Variants in TBC1D19 observed in about 807,000 individuals in gnomAD.
TBC1D19 encodes TBC1 domain family member 19.
In TBC1D19, 60 loss-of-function variants were observed where a neutral mutation model predicts 89.0. That is an observed-to-expected ratio of 0.67 (90% CI 0.55 to 0.84). TBC1D19 has a LOEUF of 0.84. Among genes scored for constraint, TBC1D19 ranks in the 40% least tolerant of loss-of-function variants. The pLI is 0.00. For synonymous variants in TBC1D19, 189 were observed against 199.7 expected, an observed-to-expected ratio of 0.95 and a Z score of 0.45; for missense variants, 500 against 610.8, an observed-to-expected ratio of 0.82 and a Z score of 1.91.
chr4:26,798,075 T>A, the TBC1D19 span, among the ~76,000 whole-genome samples: 6 of 151,952 alleles, frequency 3.9e-5, no homozygotes, highest in African/African-American at 1.5e-4. Flanking sequence ...TGCTTTTGCA[T>A]AACAAAATAA....
the TBC1D19 span, among the ~76,000 whole-genome samples, chr4:26,798,955 A>C: frequency 3.9e-5 from 6 of 152,178 alleles, no homozygotes; most frequent in African/African-American, 1.2e-4. Flanking sequence ...TAAGGGATAC[A>C]CTAGAAGCCC....
intron 3 of TBC1D19, among the ~76,000 whole-genome samples, chr4:26,618,717 A>G (rs1187446192): frequency 2.0e-5 from 3 of 152,230 alleles, no homozygotes; most frequent in Non-Finnish European, 4.4e-5. Context: ...TGAATAAGGA[A>G]GACATCACTT....
At chr4:26,684,384 A>G (rs556201804) in intron 12 of TBC1D19, among the ~76,000 whole-genome samples, 1 of 152,178 alleles carries the variant, frequency 6.6e-6, no homozygotes, top group Non-Finnish European at 1.5e-5. Context: ...GGGTGATGCC[A>G]GGGCTTGATC....
chr4:26,809,188 G>T, the TBC1D19 span, among the ~76,000 whole-genome samples: 1 of 152,176 alleles, frequency 6.6e-6, no homozygotes, highest in Non-Finnish European at 1.5e-5. Context: ...TGTGAGAAGG[G>T]CATGTTGGGT....
At chr4:26,831,915 A>G in the TBC1D19 span, among the ~76,000 whole-genome samples, 4 of 152,170 alleles carry the variant, frequency 2.6e-5, no homozygotes, top group African/African-American at 9.6e-5. Context: ...TAAAGGTTTA[A>G]GGATGCTATT....
chr4:26,588,118 C>T (rs977171411), intron 1 of TBC1D19, among the ~76,000 whole-genome samples: 15 of 151,332 alleles, frequency 9.9e-5, no homozygotes, highest in Middle Eastern at 3.4e-3. Context: ...CTCCGCCTCC[C>T]GGGTTCACGC....
chr4:26,714,714 T>G (rs1157421610), intron 13 of TBC1D19, among the ~76,000 whole-genome samples: 2 of 152,102 alleles, frequency 1.3e-5, no homozygotes, highest in Non-Finnish European at 2.9e-5. Flanking sequence ...TTATTAGAAC[T>G]ATAGAGATTC....
chr4:26,851,932 G>T, the TBC1D19 span, among the ~76,000 whole-genome samples: 3 of 152,250 alleles, frequency 2.0e-5, no homozygotes, highest in Non-Finnish European at 4.4e-5. Context: ...GAAAGGGTAT[G>T]TCTGGGGAAA....
chr4:26,612,057 A>G (rs1461393946), intron 1 of TBC1D19, among the ~76,000 whole-genome samples: 1 of 151,966 alleles, frequency 6.6e-6, no homozygotes, highest in Non-Finnish European at 1.5e-5. Flanking sequence ...TGTTTTCACT[A>G]CATCAGATAG....
intron 11 of TBC1D19, among the ~76,000 whole-genome samples, chr4:26,680,041 C>T (rs575639014): frequency 2.1e-4 from 32 of 152,224 alleles, no homozygotes; most frequent in African/African-American, 7.7e-4. Flanking sequence ...AGTTAGTTCT[C>T]CTGAGATCTG....
intron 11 of TBC1D19, among the ~76,000 whole-genome samples, chr4:26,674,808 C>T (rs997871475): frequency 2.4e-4 from 37 of 151,958 alleles, no homozygotes; most frequent in African/African-American, 8.9e-4. Context: ...ATAAGAGTTA[C>T]ATATTACATT....
chr4:26,584,179 G>A lies in TBC1D19; in HGVS notation c.-15G>A, dbSNP rs1739262401. 6.2e-7 allele frequency: 1 copy of A among 1,605,050 alleles called. No homozygotes were observed. The highest frequency in any genetic ancestry group is 8.5e-7 in the Non-Finnish European group (1 of 1,176,802). ...GCGGCCTGTCCCCGCGGCTTGGCGG[G>A]CTAGGGCAGGGGAAATGTTGCAGGA... On this transcript the variant is annotated 5_prime_UTR_variant, in exon 1 of 21. Transcript: ENST00000264866.
intron 1 of TBC1D19, among the ~76,000 whole-genome samples, chr4:26,590,796 G>GTTTTTTTTTTTTGTTT (rs1739724314): frequency 1.9e-5 from 1 of 52,958 alleles, no homozygotes; most frequent in Non-Finnish European, 3.1e-5. Context: ...TTGCAGGTCT[G>GTTTTTTTTTTTTGTTT]TTTTTTTTTT....
chr4:26,716,405 G>A (rs539372522), intron 13 of TBC1D19, among the ~76,000 whole-genome samples: 25 of 152,150 alleles, frequency 1.6e-4, no homozygotes, highest in African/African-American at 6.0e-4. Context: ...ATGTGGGAGA[G>A]GCATCGTTCA....
At chr4:26,681,500 G>T (rs542090245) in intron 11 of TBC1D19, among the ~76,000 whole-genome samples, 1 of 152,118 alleles carries the variant, frequency 6.6e-6, no homozygotes, top group East Asian at 1.9e-4. Context: ...GCAGTGCACC[G>T]AGATCGTGCC....
At chr4:26,613,029 A>G (rs899292067) in intron 1 of TBC1D19, 140 bp from the exon 2 acceptor site, 2 of 603,380 alleles carry the variant, frequency 3.3e-6, no homozygotes, top group African/African-American at 1.9e-5. Flanking sequence ...TCTATCTTCA[A>G]AGAGGATTTT....
the TBC1D19 span, among the ~76,000 whole-genome samples, chr4:26,856,719 G>T: frequency 6.6e-6 from 1 of 152,010 alleles, no homozygotes; most frequent in Non-Finnish European, 1.5e-5. Context: ...CACAATTCTA[G>T]TCCTCTTTTT....
chr4:26,835,616 C>G, the TBC1D19 span, among the ~76,000 whole-genome samples: 2,819 of 152,248 alleles, frequency 0.019, 103 homozygotes, highest in African/African-American at 0.065. Context: ...CTGAACACCT[C>G]TCGAATCTAC....
chr4:26,812,985 A>G, the TBC1D19 span, among the ~76,000 whole-genome samples: 172 of 152,234 alleles, frequency 1.1e-3, no homozygotes, highest in African/African-American at 4.0e-3. The surrounding 1 kb of genome is among the most constrained non-coding windows in gnomAD (Gnocchi z 4.2). Flanking sequence ...GGGAGGCCCA[A>G]GGTGGGAGGA....
Sources: allele counts gnomAD v4.1 joint callset (sites outside exome capture counted in the v4.1 genomes callset), GRCh38; gene constraint gnomAD v4.1.1; non-coding constraint Gnocchi (gnomAD v3.1); transcripts MANE v1.5; gene names NCBI Gene and HGNC (gene_info 2026-07-23, HGNC 2026-07-21).